LYPD8: variants seen among roughly 807,000 people sequenced by gnomAD.
LYPD8 encodes LY6/PLAUR domain containing 8.
In LYPD8, 8 loss-of-function variants were observed where a neutral mutation model predicts 1.7. That is an observed-to-expected ratio of 4.58 (90% CI 2.69 to 8.27). The LOEUF (loss-of-function observed/expected upper bound fraction) is 8.27. LYPD8 is among the 30% of genes most tolerant of loss of function. The pLI is 0.00. For missense variants in LYPD8, 112 were observed against 102.3 expected (o/e 1.09, Z -0.41); for synonymous variants, 50 against 43.6 (o/e 1.15, Z -0.58).
intron 2 of LYPD8, among the ~76,000 whole-genome samples, chr1:248,753,099 C>CCA (rs1662848874): frequency 1.0e-5 from 1 of 96,346 alleles, no homozygotes; most frequent in African/African-American, 4.2e-5. Flanking sequence ...TACACACACA[C>CCA]CACACACCAC....
chr1:248,744,584 GGA>G (rs1553283981), intron 6 of LYPD8, among the ~76,000 whole-genome samples: 986 of 143,302 alleles, frequency 6.9e-3, no homozygotes, highest in Middle Eastern at 0.014. Context: ...CGTCAAATGT[GGA>G]TCTCACAATG....
In LYPD8 at chr1:248,742,007, A is replaced by G. The variant is rs181676322; in HGVS notation, c.476-2158T>C. Among the ~76,000 whole-genome samples the G allele has an allele frequency of 2.2e-3, 340 of 152,346 alleles. 6 individuals are homozygous for G. Among genetic ancestry groups the G allele is most frequent in the Admixed American group, 2.5e-3 (38 of 15,310 alleles). On this transcript the variant is annotated intron_variant, in intron 6 of 6. Coordinates refer to ENST00000590317, the MANE Select transcript of LYPD8 (RefSeq NM_001085474.2). ...AATTTTAAGGCAGTGGAAATACTCT[A>G]TATGGTACTACTACAATGGTGGATG...
At chr1:248,752,022 A>G (rs1421178125) in intron 2 of LYPD8, among the ~76,000 whole-genome samples, 1 of 152,134 alleles carries the variant, frequency 6.6e-6, no homozygotes, top group Non-Finnish European at 1.5e-5. Context: ...AGCAGGAGAG[A>G]GCAGGTGTGT....
intron 6 of LYPD8, among the ~76,000 whole-genome samples, chr1:248,743,111 A>T (rs1300136092): frequency 6.6e-6 from 1 of 151,920 alleles, no homozygotes; most frequent in Non-Finnish European, 1.5e-5. Flanking sequence ...CTTCTGCCCA[A>T]TTTTGCTGTG....
chr1:248,745,876 C>A (rs1662720038), intron 5 of LYPD8, among the ~76,000 whole-genome samples: 2 of 152,194 alleles, frequency 1.3e-5, no homozygotes, highest in Non-Finnish European at 2.9e-5. Context: ...AGGTTCAAAC[C>A]ATACTCATGA....
rs1662757530 is a variant in LYPD8 at position 248,749,189 on chromosome 1, GGA to G, written c.173-738_173-737del. On this transcript the variant is annotated intron_variant, in intron 4 of 6. Coordinates refer to ENST00000590317, the MANE Select transcript of LYPD8 (RefSeq NM_001085474.2). ...GACCCATTTCTCTAACAAACCAATA[GGA>G]TTGAACAAAAAATGATGGAAGCTGT... Among the ~76,000 whole-genome samples, 9 of 152,164 alleles carry G rather than the reference GGA, an allele frequency of 5.9e-5. 1 individual carries two copies. The South Asian group carries it at 1.9e-3, about 32-fold the overall frequency.
At chr1:248,753,358 A>AC (rs1662862640) in intron 2 of LYPD8, among the ~76,000 whole-genome samples, 2 of 118,714 alleles carry the variant, frequency 1.7e-5, no homozygotes, top group African/African-American at 3.4e-5. Flanking sequence ...CACACAACAC[A>AC]CACATCACAT....
chr1:248,749,105 A>T (rs1335553920), intron 4 of LYPD8, among the ~76,000 whole-genome samples: 5 of 152,210 alleles, frequency 3.3e-5, no homozygotes, highest in African/African-American at 7.2e-5. Context: ...AGCAAGTTAT[A>T]TGAAACCAGC....
At chr1:248,745,461 C>G (rs961499489) in intron 5 of LYPD8, among the ~76,000 whole-genome samples, 182 bp from the exon 6 acceptor site, 2 of 152,214 alleles carry the variant, frequency 1.3e-5, no homozygotes, top group Non-Finnish European at 2.9e-5. Flanking sequence ...CACAGCTCCA[C>G]AGATCTGCTC....
chr1:248,745,498 T>C (rs2103169375), intron 5 of LYPD8, among the ~76,000 whole-genome samples: 1 of 152,322 alleles, frequency 6.6e-6, no homozygotes, highest in South Asian at 2.1e-4. Context: ...CTTTAAGAAC[T>C]GTGGCCCATC....
rs947699511 is a variant in LYPD8 at position 248,751,528 on chromosome 1, C to T, written c.-49-398G>A. On this transcript the variant is annotated intron_variant, in intron 2 of 6. Transcript: ENST00000590317. Reference sequence around the variant, plus strand: ...CCTTCAGCCAGTCTCTCACTGCATCCATATTTTACACTTAAGGGTTCTGTT... The same window carrying T: ...CCTTCAGCCAGTCTCTCACTGCATCTATATTTTACACTTAAGGGTTCTGTT... Among the ~76,000 whole-genome samples, 6 of 152,258 alleles carry T rather than the reference C, an allele frequency of 3.9e-5. No individual in the cohort carries two copies. The South Asian group carries it at 8.3e-4, about 21-fold the overall frequency.
rs991508071 is a variant in LYPD8, at chr1:248,745,765, T to C, written c.338-486A>G. Among the ~76,000 whole-genome samples, 821 of 152,296 alleles carry C rather than the reference T, an allele frequency of 5.4e-3. 14 individuals carry two copies. The highest frequency in any genetic ancestry group is 0.019 in the African/African-American group (798 of 41,560). On this transcript the variant is annotated intron_variant, in intron 5 of 6. Transcript: ENST00000590317. Reference sequence around the variant, plus strand: ...AATAAACTTTGCCTTTTCAGCCACATTTTCTGTTTTTCAAAAAGAGAGCTT... The same window carrying C: ...AATAAACTTTGCCTTTTCAGCCACACTTTCTGTTTTTCAAAAAGAGAGCTT...
At chr1:248,753,221 A>ACCCC (rs1558208942) in intron 2 of LYPD8, among the ~76,000 whole-genome samples, 1 of 103,468 alleles carries the variant, frequency 9.7e-6, no homozygotes, top group African/African-American at 4.0e-5. Context: ...CACACACCAC[A>ACCCC]CCACACACAC....
chr1:248,744,779 G>A (rs894948730), intron 6 of LYPD8, among the ~76,000 whole-genome samples: 4 of 152,014 alleles, frequency 2.6e-5, no homozygotes, highest in Admixed American at 6.5e-5. Flanking sequence ...GAGAATAAAA[G>A]TGTAGATATA....
chr1:248,752,768 C>A (rs1325930760), intron 2 of LYPD8, among the ~76,000 whole-genome samples: 2 of 115,802 alleles, frequency 1.7e-5, no homozygotes, highest in South Asian at 3.1e-4. Flanking sequence ...ACACCACACA[C>A]CCCACACAAC....
chr1:248,739,791 A>T lies in LYPD8; in HGVS notation c.534T>A (p.Cys178Ter), dbSNP rs1662554657. 1 of 1,551,736 alleles carries T rather than the reference A, an allele frequency of 6.4e-7. No individual in the cohort carries two copies. The highest frequency in any genetic ancestry group is 8.7e-7 in the Non-Finnish European group (1 of 1,146,972). ...TCTTGTTTTCACCAGACAGGAACTG[A>T]CAGGTGGCGTTACTGACGTTGGAAC... ...KGCSNVSNATCQFLSGENKTL... is the reference protein window; with the variant it reads ...KGCSNVSNAT Residue 178 changes from cysteine to a stop codon, truncating the protein, a stop_gained, in exon 7 of 7, where the codon TGT (cysteine) becomes TGA (stop). Transcript: ENST00000590317. LOFTEE classifies it low-confidence loss of function (END_TRUNC). This position sits in a 1 kb window ranked among gnomAD's most constrained non-coding sequence, Gnocchi z 4.3.
chr1:248,748,659 C>T (rs1662751015), intron 4 of LYPD8, among the ~76,000 whole-genome samples: 1 of 152,182 alleles, frequency 6.6e-6, no homozygotes, highest in African/African-American at 2.4e-5. Flanking sequence ...AGGAGGCTAT[C>T]AGAGGTGCAG....
At chr1:248,740,251 A>T (rs1319467799) in intron 6 of LYPD8, among the ~76,000 whole-genome samples, 1 of 152,148 alleles carries the variant, frequency 6.6e-6, no homozygotes, top group Non-Finnish European at 1.5e-5. Context: ...AGGGGCCAGC[A>T]CCTTGGACTT....
intron 5 of LYPD8, among the ~76,000 whole-genome samples, chr1:248,745,806 G>A (rs1455672034): frequency 6.6e-6 from 1 of 152,218 alleles, no homozygotes; most frequent in African/African-American, 2.4e-5. Context: ...TAGATCAGCA[G>A]GTCTCAAATT....
Sources: gnomAD v4.1 joint callset for allele counts (sites outside exome capture counted in the v4.1 genomes callset) on GRCh38, gnomAD v4.1.1 for gene constraint, Gnocchi (gnomAD v3.1) non-coding constraint, MANE v1.5 for transcripts, NCBI Gene and HGNC (gene_info 2026-07-23, HGNC 2026-07-21) for gene names.